Variants in SRSF4 observed in about 807,000 individuals in gnomAD.
The protein encoded by SRSF4 is serine and arginine rich splicing factor 4, also known as serine/arginine-rich splicing factor 4.
A neutral mutation model predicts 48.8 loss-of-function variants in SRSF4; 12 were observed. The ratio of observed to expected loss-of-function variants is 0.25; its 90% CI spans 0.16 to 0.40. SRSF4 has a LOEUF of 0.40. Ranked by LOEUF, SRSF4 falls within the 10% of genes least tolerant of loss-of-function variation. The pLI is 1.00. For synonymous variants in SRSF4, 248 were observed against 232.5 expected (o/e 1.07, Z -0.61); for missense variants, 466 against 667.1 (o/e 0.70, Z 3.32).
chr1:29,160,786 T>C (rs914703855), intron 1 of SRSF4, among the ~76,000 whole-genome samples: 14 of 152,188 alleles, frequency 9.2e-5, no homozygotes, highest in African/African-American at 3.1e-4. Flanking sequence ...TCCCAAGTAG[T>C]TGGTGGCAAC....
intron 1 of SRSF4, 82 bp downstream of exon 1, chr1:29,181,564 C>A (rs957558141): frequency 4.1e-6 from 5 of 1,226,440 alleles, no homozygotes; most frequent in Non-Finnish European, 5.6e-6. Flanking sequence ...GCGGACCAGG[C>A]GTCCCTCTCC....
At chr1:29,163,668 C>T (rs1005519981) in intron 1 of SRSF4, among the ~76,000 whole-genome samples, 4 of 152,176 alleles carry the variant, frequency 2.6e-5, no homozygotes, top group African/African-American at 9.7e-5. Context: ...GCAATGGTAT[C>T]GTAGTTTATA....
chr1:29,174,422 C>CA lies in SRSF4; in HGVS notation c.107+7223dup, dbSNP rs547352536. Among the ~76,000 whole-genome samples the CA allele has an allele frequency of 9.9e-5, 15 of 152,028 alleles. No homozygotes were observed. In the East Asian group the frequency reaches 2.7e-3, roughly 27 times the overall value. On this transcript the variant is annotated intron_variant, in intron 1 of 5. Transcript: ENST00000373795. ...AGTATTATACATGCATAAAATAGTA[C>CA]AAAAATAAAGATAACCTAAATGCCT...
At chr1:29,171,774 C>T (rs1672748172) in intron 1 of SRSF4, 1 of 152,156 alleles carries the variant, frequency 6.6e-6, no homozygotes, top group African/African-American at 2.4e-5. Context: ...ATTACCGAGT[C>T]TATATCCTGT....
intron 1 of SRSF4, among the ~76,000 whole-genome samples, chr1:29,177,452 T>C (rs978128118): frequency 6.6e-6 from 1 of 152,154 alleles, no homozygotes; most frequent in Non-Finnish European, 1.5e-5. Context: ...CGGCTAACTT[T>C]GTATTTTTAG....
chr1:29,149,687 G>GAAAA lies in SRSF4; in HGVS notation c.668+415_668+416insTTTT, dbSNP rs539756933. 3.2e-5 allele frequency among the ~76,000 whole-genome samples: 3 copies of GAAAA among 92,526 alleles called. 1 individual carries two copies. Among genetic ancestry groups the GAAAA allele is most frequent in the African/African-American group, 7.2e-5 (2 of 27,846 alleles). 60.7% of individuals were successfully genotyped at this position (92,526 alleles called of 152,430 possible). A position where few individuals can be genotyped will look rare whatever the true frequency, so the allele number is the denominator to read the frequency against. On this transcript the variant is annotated intron_variant, in intron 5 of 5. Coordinates refer to ENST00000373795, the MANE Select transcript of SRSF4 (RefSeq NM_005626.5). Reference sequence around the variant, plus strand: ...CAGAGCGAGACTCTGTCTTGAGGGGGGAAAAAAAAAAAAAAAAAGAAAAAG... The same window carrying GAAAA: ...CAGAGCGAGACTCTGTCTTGAGGGGGAAAAGAAAAAAAAAAAAAAAAAGAAAAAG...
intron 1 of SRSF4, among the ~76,000 whole-genome samples, chr1:29,181,094 T>C (rs1419694303): frequency 6.6e-6 from 1 of 152,192 alleles, no homozygotes; most frequent in Non-Finnish European, 1.5e-5. Context: ...TTCGAAACTG[T>C]CACTAGACTA....
At chr1:29,175,024 G>A (rs969230149) in intron 1 of SRSF4, among the ~76,000 whole-genome samples, 5 of 151,294 alleles carry the variant, frequency 3.3e-5, no homozygotes, top group Admixed American at 1.3e-4. Context: ...GACAGAGTGC[G>A]TGCGTGCACA....
intron 1 of SRSF4, among the ~76,000 whole-genome samples, chr1:29,166,356 A>G (rs918570576): frequency 1.3e-5 from 2 of 152,230 alleles, no homozygotes; most frequent in African/African-American, 4.8e-5. Flanking sequence ...AACTGTAGAA[A>G]GACACTTCTG....
intron 1 of SRSF4, among the ~76,000 whole-genome samples, chr1:29,180,020 T>C (rs1574206061): frequency 6.6e-6 from 1 of 152,236 alleles, no homozygotes; most frequent in Non-Finnish European, 1.5e-5. Context: ...CAAGCAAAGA[T>C]GTTTCCTCAT....
At chr1:29,155,292 T>C (rs1296791260) in intron 3 of SRSF4, among the ~76,000 whole-genome samples, 2 of 151,940 alleles carry the variant, frequency 1.3e-5, no homozygotes, top group Non-Finnish European at 2.9e-5. Context: ...TAGTCAGGTG[T>C]AGTGGCACAC....
chr1:29,176,138 G>A (rs1410475818), intron 1 of SRSF4, among the ~76,000 whole-genome samples: 3 of 152,126 alleles, frequency 2.0e-5, no homozygotes, highest in East Asian at 1.9e-4. Flanking sequence ...TGTAGTCCCA[G>A]CTACTTGGGA....
intron 3 of SRSF4, among the ~76,000 whole-genome samples, chr1:29,158,433 C>CTTT (rs71586891): frequency 5.6e-5 from 8 of 143,218 alleles, no homozygotes; most frequent in Non-Finnish European, 7.6e-5. Context: ...TCTTGTAACC[C>CTTT]TTTTTTTTTT....
intron 1 of SRSF4, among the ~76,000 whole-genome samples, chr1:29,173,849 G>A (rs1450164511): frequency 1.3e-5 from 2 of 151,664 alleles, no homozygotes; most frequent in African/African-American, 2.4e-5. Context: ...ATTTTAATTA[G>A]AAAAAATTAG....
chr1:29,166,444 A>G (rs1672670787), intron 1 of SRSF4, among the ~76,000 whole-genome samples: 1 of 152,234 alleles, frequency 6.6e-6, no homozygotes, highest in Admixed American at 6.5e-5. Context: ...CCCCGATTCC[A>G]AAGGTCTGCA....
At chr1:29,151,877 G>A (rs988350581) in intron 4 of SRSF4, among the ~76,000 whole-genome samples, 1 of 152,214 alleles carries the variant, frequency 6.6e-6, no homozygotes, top group Non-Finnish European at 1.5e-5. Context: ...CATACAAAGA[G>A]AGAAAAGGCA....
In SRSF4 at chr1:29,159,202, A is replaced by G. The variant is rs116085517; in HGVS notation, c.363+172T>C. The stretch of plus-strand genomic sequence containing the variant: ...TGGTCCCACAATGTATAGCAGGAAT[A>G]TAATTCTGATATATTTTGTACTCAT... On this transcript the variant is annotated intron_variant, in intron 3 of 5. Coordinates refer to ENST00000373795, the MANE Select transcript of SRSF4 (RefSeq NM_005626.5). Among the ~76,000 whole-genome samples the G allele has an allele frequency of 9.7e-3, 1,476 of 152,332 alleles. 6 individuals are homozygous for G. Among genetic ancestry groups the G allele is most frequent in the Non-Finnish European group, 0.014 (963 of 68,016 alleles).
chr1:29,156,363 A>AAAG (rs1231158434), intron 3 of SRSF4, among the ~76,000 whole-genome samples: 2 of 151,760 alleles, frequency 1.3e-5, no homozygotes, highest in African/African-American at 4.8e-5. Context: ...CAAAAAAAAA[A>AAAG]AAAAATTTAT....
chr1:29,160,932 A>T (rs1359895238), intron 1 of SRSF4, among the ~76,000 whole-genome samples: 3 of 152,256 alleles, frequency 2.0e-5, no homozygotes, highest in Non-Finnish European at 2.9e-5. Context: ...TTAGACCTAC[A>T]TTCAGGCACT....
Sources: allele counts gnomAD v4.1 joint callset (sites outside exome capture counted in the v4.1 genomes callset), GRCh38; gene constraint gnomAD v4.1.1; transcripts MANE v1.5; gene names NCBI Gene and HGNC (gene_info 2026-07-23, HGNC 2026-07-21).